MSI2: variants seen among roughly 807,000 people sequenced by gnomAD.
The protein encoded by MSI2 is RNA-binding protein Musashi homolog 2.
A neutral mutation model predicts 45.6 loss-of-function variants in MSI2; 17 were observed. The observed-to-expected ratio is 0.37, with a 90% CI of 0.26 to 0.56. MSI2 has a LOEUF of 0.56. MSI2 is among the 20% of genes least tolerant of loss of function. MSI2 has a pLI of 0.77. For synonymous variants in MSI2, 156 were observed against 158.2 expected, an observed-to-expected ratio of 0.99 and a Z score of 0.11; for missense variants, 293 against 444.2, an observed-to-expected ratio of 0.66 and a Z score of 3.06.
chr17:57,310,782 C>T (rs1292356536), intron 5 of MSI2, among the ~76,000 whole-genome samples: 1 of 152,212 alleles, frequency 6.6e-6, no homozygotes, highest in Non-Finnish European at 1.5e-5. Flanking sequence ...CACATGGATG[C>T]TGTGCAGATA....
chr17:57,379,742 G>A (rs899637162), intron 5 of MSI2, among the ~76,000 whole-genome samples: 24 of 151,144 alleles, frequency 1.6e-4, no homozygotes, highest in African/African-American at 5.3e-4. Context: ...GTGGCCCCTC[G>A]CCCTCTTAAC....
At chr17:57,337,250 C>T (rs75096297) in intron 5 of MSI2, among the ~76,000 whole-genome samples, 2,240 of 152,322 alleles carry the variant, frequency 0.015, 61 homozygotes, top group African/African-American at 0.051. Flanking sequence ...CCTGATCAGC[C>T]TGACAAGAAA....
intron 4 of MSI2, among the ~76,000 whole-genome samples, chr17:57,260,431 C>T (rs1288014219): frequency 6.6e-6 from 1 of 152,158 alleles, no homozygotes; most frequent in Non-Finnish European, 1.5e-5. Context: ...TGGCACCTCC[C>T]TCAACATACC....
At chr17:57,563,677 G>GTGGC (rs1269923563) in intron 7 of MSI2, among the ~76,000 whole-genome samples, 26 of 148,422 alleles carry the variant, frequency 1.8e-4, no homozygotes, top group African/African-American at 6.4e-4. Flanking sequence ...CCCCATTTTA[G>GTGGC]TGGCTGACTG....
At chr17:57,438,172 G>T (rs1426955004) in intron 6 of MSI2, among the ~76,000 whole-genome samples, 2 of 152,192 alleles carry the variant, frequency 1.3e-5, no homozygotes, top group East Asian at 3.9e-4. Context: ...CCGAGCTGGG[G>T]TGCCTGGCTG....
chr17:57,643,979 A>C (rs1301258054), intron 10 of MSI2, among the ~76,000 whole-genome samples: 1 of 152,136 alleles, frequency 6.6e-6, no homozygotes, highest in Non-Finnish European at 1.5e-5. Flanking sequence ...GACAGATGAC[A>C]GGTTCCACGT....
intron 10 of MSI2, among the ~76,000 whole-genome samples, chr17:57,636,071 G>A (rs905880241): frequency 5.9e-5 from 9 of 152,136 alleles, no homozygotes; most frequent in South Asian, 4.1e-4. Context: ...GAGGGAAGCC[G>A]CTGTAGTCCA....
intron 6 of MSI2, among the ~76,000 whole-genome samples, chr17:57,419,073 G>T (rs1333919151): frequency 6.6e-6 from 1 of 152,132 alleles, no homozygotes; most frequent in African/African-American, 2.4e-5. Context: ...ATTAGTCCAA[G>T]GCAGGTAGAG....
chr17:57,560,148 A>G (rs865907747), intron 7 of MSI2, among the ~76,000 whole-genome samples: 137 of 152,386 alleles, frequency 9.0e-4, no homozygotes, highest in African/African-American at 3.1e-3. Flanking sequence ...CTCGTAGTAC[A>G]GTAGCAAAGG....
chr17:57,436,464 T>A (rs1337820392), intron 6 of MSI2, among the ~76,000 whole-genome samples: 1 of 152,190 alleles, frequency 6.6e-6, no homozygotes, highest in Non-Finnish European at 1.5e-5. Context: ...TATTGGGTTC[T>A]CCAAAAAGTA....
At chr17:57,290,650 C>T (rs1422311202) in intron 5 of MSI2, among the ~76,000 whole-genome samples, 2 of 152,172 alleles carry the variant, frequency 1.3e-5, no homozygotes, top group African/African-American at 2.4e-5. Context: ...TAGCCTGGCT[C>T]CTGAGGCTTT....
chr17:57,476,149 T>G (rs2085532895), intron 6 of MSI2, among the ~76,000 whole-genome samples: 1 of 152,218 alleles, frequency 6.6e-6, no homozygotes, highest in Admixed American at 6.5e-5. Flanking sequence ...AAACGGTTAG[T>G]GCCTGCCACT....
chr17:57,446,694 A>G (rs2084906452), intron 6 of MSI2, among the ~76,000 whole-genome samples: 1 of 152,238 alleles, frequency 6.6e-6, no homozygotes, highest in African/African-American at 2.4e-5. Flanking sequence ...TGCTGTAGGA[A>G]CATCATTGAC....
At chr17:57,257,410 CTT>C in intron 2 of MSI2, 54 bp from the exon 3 acceptor site, 1 of 983,380 alleles carries the variant, frequency 1.0e-6, no homozygotes, top group Non-Finnish European at 1.5e-6. Context: ...ATTTGCATTG[CTT>C]TTTTTTTCCA....
chr17:57,334,107 T>G (rs1394043249), intron 5 of MSI2, among the ~76,000 whole-genome samples: 1 of 152,214 alleles, frequency 6.6e-6, no homozygotes, highest in Non-Finnish European at 1.5e-5. Flanking sequence ...AGACATTTGC[T>G]GAACACACGG....
In MSI2 at chr17:57,652,313, G is replaced by C; in HGVS notation, c.790+152G>C. 2.5e-6 allele frequency: 2 copies of C among 787,484 alleles called. No homozygotes were observed. Among genetic ancestry groups the C allele is most frequent in the South Asian group, 1.7e-5 (1 of 58,138 alleles). 48.8% of individuals were successfully genotyped at this position (787,484 alleles called of 1,614,324 possible). On this transcript the variant is annotated intron_variant, in intron 11 of 13. Coordinates refer to ENST00000284073, the MANE Select transcript of MSI2 (RefSeq NM_138962.4). The surrounding 1 kb of genome is among the most constrained non-coding windows in gnomAD (Gnocchi z 4.1). ...GGTGGACGGGGAGGGGGTGGACCGG[G>C]AGGCGCGGGCAAGGCCTGGCCACCC...
chr17:57,571,083 C>T (rs1373865232), intron 7 of MSI2, among the ~76,000 whole-genome samples: 1 of 152,180 alleles, frequency 6.6e-6, no homozygotes, highest in African/African-American at 2.4e-5. Flanking sequence ...GTATTGGGTC[C>T]AGTGAAGAGC....
chr17:57,502,902 G>A (rs932829898), intron 6 of MSI2, among the ~76,000 whole-genome samples: 5 of 151,882 alleles, frequency 3.3e-5, no homozygotes, highest in Non-Finnish European at 7.4e-5. Context: ...CTGGGCCCTG[G>A]CTTGCTCACC....
At chr17:57,456,557 T>C (rs1322433422) in intron 6 of MSI2, among the ~76,000 whole-genome samples, 2 of 151,650 alleles carry the variant, frequency 1.3e-5, no homozygotes, top group South Asian at 4.2e-4. Flanking sequence ...ATCGCACCAC[T>C]GCACTCCAGC....
Sources: allele counts gnomAD v4.1 joint callset (sites outside exome capture counted in the v4.1 genomes callset), GRCh38; gene constraint gnomAD v4.1.1; non-coding constraint Gnocchi (gnomAD v3.1); transcripts MANE v1.5; gene names NCBI Gene and HGNC (gene_info 2026-07-23, HGNC 2026-07-21).